The following MYT1L variants were observed in gnomAD, a reference collection of about 807,000 sequenced individuals.
MYT1L encodes myelin transcription factor 1 like.
MYT1L carries 12 observed loss-of-function variants against 126.7 expected under a neutral mutation model. The ratio of observed to expected loss-of-function variants is 0.09; its 90% CI spans 0.06 to 0.15. The LOEUF (loss-of-function observed/expected upper bound fraction) is 0.15, where lower values mean the gene tolerates loss of function less well. Among genes scored for constraint, MYT1L ranks in the 10% least tolerant of loss-of-function variants. The probability of loss-of-function intolerance (pLI) is 1.00; values close to 1 mark genes in which losing one functional copy is unlikely to be tolerated. For synonymous variants in MYT1L, 541 were observed against 604.2 expected (o/e 0.90, Z 1.53); for missense variants, 979 against 1,585.2 (o/e 0.62, Z 6.49).
At chr2:1,971,155 G>C (rs1185860914) in intron 8 of MYT1L, among the ~76,000 whole-genome samples, 1 of 152,140 alleles carries the variant, frequency 6.6e-6, no homozygotes, top group Non-Finnish European at 1.5e-5. Context: ...ACTCCAGCCT[G>C]GGGGAACGGG....
chr2:2,086,146 G>C (rs994099202), intron 3 of MYT1L, among the ~76,000 whole-genome samples: 7 of 152,052 alleles, frequency 4.6e-5, no homozygotes, highest in African/African-American at 1.7e-4. Context: ...TGAAATTAAG[G>C]GAACAGTGAG....
At chr2:2,304,552 A>C (rs1282776278) in intron 1 of MYT1L, among the ~76,000 whole-genome samples, 2 of 152,110 alleles carry the variant, frequency 1.3e-5, no homozygotes, top group Non-Finnish European at 2.9e-5. Context: ...TTTCTTCCTT[A>C]ATCTTTTAAT....
intron 8 of MYT1L, among the ~76,000 whole-genome samples, chr2:1,957,359 A>T (rs2058576444): frequency 6.6e-6 from 1 of 151,756 alleles, no homozygotes. Flanking sequence ...ATTTTAGTGG[A>T]CCTGTTATCT....
At chr2:2,061,950 C>T (rs888885318) in intron 3 of MYT1L, among the ~76,000 whole-genome samples, 5 of 152,200 alleles carry the variant, frequency 3.3e-5, no homozygotes, top group African/African-American at 4.8e-5. Context: ...AAGCTTTCAA[C>T]GCTTCTAGCC....
At chr2:2,180,319 T>C (rs2091272865) in intron 2 of MYT1L, among the ~76,000 whole-genome samples, 1 of 151,390 alleles carries the variant, frequency 6.6e-6, no homozygotes, top group East Asian at 1.9e-4. Context: ...ACATAATATG[T>C]ACTCTCAAAT....
At chr2:1,813,041 A>G (rs10184659) in intron 21 of MYT1L, among the ~76,000 whole-genome samples, 11,709 of 152,166 alleles carry the variant, frequency 0.077, 486 homozygotes, top group African/African-American at 0.095. Flanking sequence ...CCGGCTCAGT[A>G]TGATCCTCAC....
At chr2:1,870,066 A>ATTC (rs10685785) in intron 18 of MYT1L, among the ~76,000 whole-genome samples, 48,353 of 151,910 alleles carry the variant, frequency 0.32, 8,380 homozygotes, top group African/African-American at 0.45. Context: ...CTCAGAGGGC[A>ATTC]TTCTTCTCCT....
rs57294198 is a variant in MYT1L at position 1,893,186 on chromosome 2, T to C, written c.2033-899A>G. ...GGGCAAGGGTTATTTGTTAGAGCTATTTAAATCTCCTTTAGTACATGACAA... is the reference window on the plus strand; with the variant it reads ...GGGCAAGGGTTATTTGTTAGAGCTACTTAAATCTCCTTTAGTACATGACAA... On this transcript the variant is annotated intron_variant, in intron 14 of 24. Transcript: ENST00000647738. 9.6e-3 allele frequency among the ~76,000 whole-genome samples: 1,468 copies of C among 152,316 alleles called. 23 individuals are homozygous for C. The highest frequency in any genetic ancestry group is 0.033 in the African/African-American group (1,388 of 41,562).
chr2:2,090,312 A>T (rs2076784885), intron 3 of MYT1L, among the ~76,000 whole-genome samples: 1 of 152,220 alleles, frequency 6.6e-6, no homozygotes, highest in Non-Finnish European at 1.5e-5. Context: ...AATAAAGGGA[A>T]TACGGTAATA....
intron 21 of MYT1L, among the ~76,000 whole-genome samples, chr2:1,819,817 G>A (rs2148124736): frequency 6.6e-6 from 1 of 152,366 alleles, no homozygotes; most frequent in East Asian, 1.9e-4. Context: ...TTAGGTCTGG[G>A]TGCAACCAAG....
intron 3 of MYT1L, among the ~76,000 whole-genome samples, chr2:2,099,215 G>A (rs2077767142): frequency 6.6e-6 from 1 of 152,170 alleles, no homozygotes; most frequent in South Asian, 2.1e-4. Context: ...CAACATGGCT[G>A]ACACATGTAC....
intron 4 of MYT1L, among the ~76,000 whole-genome samples, chr2:2,006,218 T>A (rs1301210589): frequency 6.6e-6 from 1 of 152,230 alleles, no homozygotes; most frequent in African/African-American, 2.4e-5. Context: ...TCTAACAGTC[T>A]GCTTATAGCC....
In MYT1L at chr2:1,875,964, T is replaced by C. The variant is rs556895275; in HGVS notation, c.2711+10575A>G. ...AGGAAAAACGCATTATTTAATCTTA[T>C]TTAAATAATCCCCAGTAGTTATATC... On this transcript the variant is annotated intron_variant, in intron 18 of 24. Transcript: ENST00000647738. Among the ~76,000 whole-genome samples the C allele has an allele frequency of 5.9e-5, 9 of 152,276 alleles. No homozygotes were observed. In the East Asian group the frequency reaches 1.7e-3, roughly 29 times the overall value.
intron 1 of MYT1L, among the ~76,000 whole-genome samples, chr2:2,296,150 C>T (rs1311804225): frequency 6.6e-6 from 1 of 152,084 alleles, no homozygotes. Flanking sequence ...AAAAGGAAAC[C>T]CTGGGTGGTT....
intron 3 of MYT1L, among the ~76,000 whole-genome samples, chr2:2,168,530 A>G (rs1477753897): frequency 1.3e-5 from 2 of 152,124 alleles, no homozygotes; most frequent in Non-Finnish European, 2.9e-5. Context: ...AAGGTAACGC[A>G]CTCATCCATT....
intron 2 of MYT1L, among the ~76,000 whole-genome samples, chr2:2,209,934 ACATTCTCTCCAG>A (rs2093444844): frequency 6.6e-6 from 1 of 152,138 alleles, no homozygotes; most frequent in East Asian, 1.9e-4. Context: ...CTGTTTCTCC[ACATTCTCTCCAG>A]CATTTGTTAT....
rs145331272 is a variant in MYT1L, at chr2:1,831,681, C to T, written c.3080+7468G>A. On this transcript the variant is annotated intron_variant, in intron 21 of 24. Transcript: ENST00000647738. ...TGAACTCTCCGCCACACCGGCCTCT[C>T]GCCACTTTCCCAGTATTGTGTGTGT... 3.2e-3 allele frequency among the ~76,000 whole-genome samples: 491 copies of T among 152,312 alleles called. 1 individual carries two copies. The highest frequency in any genetic ancestry group is 5.4e-3 in the Admixed American group (83 of 15,304).
At chr2:1,972,572 G>A (rs1049662019) in intron 8 of MYT1L, among the ~76,000 whole-genome samples, 4 of 152,140 alleles carry the variant, frequency 2.6e-5, no homozygotes, top group African/African-American at 9.7e-5. Flanking sequence ...TCTGTTCCAG[G>A]GCTTTTAGTG....
At chr2:2,140,432 C>CTTTTTTTTTTTTTTTTTTTTTTTT (rs35297300) in intron 3 of MYT1L, among the ~76,000 whole-genome samples, 3 of 112,972 alleles carry the variant, frequency 2.7e-5, no homozygotes, top group African/African-American at 6.9e-5. Flanking sequence ...CTTTCTTTTT[C>CTTTTTTTTTTTTTTTTTTTTTTTT]TTTTTTTTTT....
Sources: allele counts gnomAD v4.1 joint callset (sites outside exome capture counted in the v4.1 genomes callset), GRCh38; gene constraint gnomAD v4.1.1; transcripts MANE v1.5; gene names NCBI Gene and HGNC (gene_info 2026-07-23, HGNC 2026-07-21).